Variants in UNC5B observed in about 807,000 individuals in gnomAD.
The protein encoded by UNC5B is netrin receptor UNC5B.
UNC5B carries 56 observed loss-of-function variants against 103.7 expected under a neutral mutation model. The ratio of observed to expected loss-of-function variants is 0.54; its 90% CI spans 0.44 to 0.67. UNC5B has a LOEUF of 0.67. UNC5B is among the 30% of genes least tolerant of loss of function. The probability of loss-of-function intolerance (pLI) is 0.00; values close to 1 mark genes in which losing one functional copy is unlikely to be tolerated. For missense variants in UNC5B, 1,194 were observed against 1,284.5 expected, an observed-to-expected ratio of 0.93 and a Z score of 1.08; for synonymous variants, 577 against 542.0, an observed-to-expected ratio of 1.06 and a Z score of -0.90.
intron 8 of UNC5B, among the ~76,000 whole-genome samples, chr10:71,289,778 C>T (rs1845198240): frequency 6.6e-6 from 1 of 152,170 alleles, no homozygotes; most frequent in South Asian, 2.1e-4. Context: ...CCTGAGGGGT[C>T]CTCTGGGGAG....
At chr10:71,267,109 T>C (rs1844540769) in intron 1 of UNC5B, among the ~76,000 whole-genome samples, 1 of 152,196 alleles carries the variant, frequency 6.6e-6, no homozygotes, top group Non-Finnish European at 1.5e-5. Flanking sequence ...ACTCCTGTAA[T>C]AGAAATTAGC....
intron 2 of UNC5B, among the ~76,000 whole-genome samples, chr10:71,281,306 C>T (rs1441735484): frequency 6.6e-6 from 1 of 151,912 alleles, no homozygotes; most frequent in African/African-American, 2.4e-5. Context: ...GATTTGGAGT[C>T]CCATGCTCAC....
chr10:71,213,726 A>AGTGTGTGTGT lies in UNC5B; in HGVS notation c.79+663_79+664insTGTGTGTGTG, dbSNP rs1238732312. On this transcript the variant is annotated intron_variant, in intron 1 of 16. Transcript: ENST00000335350. This position sits in a 1 kb window ranked among gnomAD's most constrained non-coding sequence, Gnocchi z 4.1. ...TTATTATTAATTTTCTGAGTGTTGG[A>AGTGTGTGTGT]GAGTGTGTGTGTGTGTGTGTGTGTG... Among the ~76,000 whole-genome samples, 126 of 81,846 alleles carry AGTGTGTGTGT rather than the reference A, an allele frequency of 1.5e-3. No individual in the cohort carries two copies. Among genetic ancestry groups the AGTGTGTGTGT allele is most frequent in the Middle Eastern group, 6.8e-3 (1 of 146 alleles). 53.7% of individuals were successfully genotyped at this position (81,846 alleles called of 152,430 possible). A position where few individuals can be genotyped will look rare whatever the true frequency, so the allele number is the denominator to read the frequency against.
chr10:71,246,697 C>T (rs35060171), intron 1 of UNC5B, among the ~76,000 whole-genome samples: 30,650 of 152,090 alleles, frequency 0.2, 3,816 homozygotes, highest in Non-Finnish European at 0.29. Flanking sequence ...CAGCGCTCCA[C>T]ATCTGTCAAA....
chr10:71,287,366 C>T (rs1246679648), intron 5 of UNC5B, among the ~76,000 whole-genome samples: 1 of 152,218 alleles, frequency 6.6e-6, no homozygotes. Context: ...ACCTTCTTTG[C>T]CGTCTTACAA....
In UNC5B at chr10:71,291,419, C is replaced by T. The variant is rs1845251414; in HGVS notation, c.1295-13C>T. On this transcript the variant is annotated splice_polypyrimidine_tract_variant and intron_variant, in intron 9 of 16. Transcript: ENST00000335350. ...GGCACAGCTGGGTCTGACTATAGCC[C>T]CTACTCCTGCAGGCAACCCGCAGCT... is the stretch of plus-strand genomic sequence containing the variant. 7 of 1,586,658 alleles carry T rather than the reference C, an allele frequency of 4.4e-6. No homozygotes were observed. Among genetic ancestry groups the T allele is most frequent in the Non-Finnish European group, 6.0e-6 (7 of 1,165,994 alleles).
intron 14 of UNC5B, among the ~76,000 whole-genome samples, 176 bp downstream of exon 14, chr10:71,296,136 C>T (rs974157948): frequency 5.9e-5 from 9 of 152,224 alleles, no homozygotes; most frequent in African/African-American, 1.7e-4. Flanking sequence ...TCCCCAGGCA[C>T]GTCCCCAAAT....
At chr10:71,263,157 C>T (rs562294372) in intron 1 of UNC5B, among the ~76,000 whole-genome samples, 7 of 152,236 alleles carry the variant, frequency 4.6e-5, no homozygotes, top group East Asian at 3.9e-4. Flanking sequence ...GTCCCCACAC[C>T]GGGGTGGAGG....
intron 1 of UNC5B, among the ~76,000 whole-genome samples, chr10:71,222,323 G>A (rs200931459): frequency 9.2e-6 from 1 of 108,594 alleles, no homozygotes; most frequent in African/African-American, 3.0e-5. Context: ...TCTCTTAGTG[G>A]AAAGAGCCCC....
chr10:71,238,476 A>G (rs1174764187), intron 1 of UNC5B, among the ~76,000 whole-genome samples: 1 of 152,118 alleles, frequency 6.6e-6, no homozygotes, highest in Non-Finnish European at 1.5e-5. Context: ...CTCCATGCTT[A>G]CATTTGCATT....
At chr10:71,257,654 G>A (rs1844322019) in intron 1 of UNC5B, among the ~76,000 whole-genome samples, 1 of 152,254 alleles carries the variant, frequency 6.6e-6, no homozygotes, top group Admixed American at 6.5e-5. Flanking sequence ...GTACATGCCA[G>A]GTGCTCCTTG....
rs149159166 is a variant in UNC5B, at chr10:71,280,029, C to T, written c.288C>T (p.Gly96=). Residue 96 remains glycine, a synonymous_variant, in exon 2 of 17, where the codon GGC becomes GGT. Transcript: ENST00000335350. Reference sequence around the variant, plus strand: ...AGAACGACCACGTCACACAGGAAGGCCTGGATGAGGCCACCGGTGAGCCCG... The same window carrying T: ...AGAACGACCACGTCACACAGGAAGGTCTGGATGAGGCCACCGGTGAGCCCG... The part of the protein sequence containing the change: ...VSQNDHVTQE[G]LDEATGLRVR... 8 of 1,613,782 alleles carry T rather than the reference C, an allele frequency of 5.0e-6. No homozygotes were observed. The highest frequency in any genetic ancestry group is 3.3e-5 in the Admixed American group (2 of 60,008).
intron 1 of UNC5B, among the ~76,000 whole-genome samples, chr10:71,223,951 C>G (rs1310079598): frequency 6.6e-6 from 1 of 152,208 alleles, no homozygotes; most frequent in Non-Finnish European, 1.5e-5. Flanking sequence ...GAGAGCAGTT[C>G]TGGCCATGGG....
At chr10:71,297,231 A>C (rs573422996) in intron 15 of UNC5B, among the ~76,000 whole-genome samples, 1 of 152,332 alleles carries the variant, frequency 6.6e-6, no homozygotes, top group African/African-American at 2.4e-5. Flanking sequence ...AGTGCCATTC[A>C]CATGCTTGGC....
At chr10:71,282,665 G>A (rs10999759) in intron 2 of UNC5B, among the ~76,000 whole-genome samples, 104,420 of 151,968 alleles carry the variant, frequency 0.69, 37,237 homozygotes, top group Non-Finnish European at 0.78. Flanking sequence ...CACCCCTGAA[G>A]CAGCCTCTTC....
At chr10:71,263,593 G>A (rs1317427355) in intron 1 of UNC5B, among the ~76,000 whole-genome samples, 1 of 152,192 alleles carries the variant, frequency 6.6e-6, no homozygotes, top group African/African-American at 2.4e-5. Flanking sequence ...GGAAAACCAA[G>A]GCCATTTGTC....
At chr10:71,221,891 G>A (rs1843458967) in intron 1 of UNC5B, among the ~76,000 whole-genome samples, 1 of 152,222 alleles carries the variant, frequency 6.6e-6, no homozygotes, top group East Asian at 1.9e-4. Context: ...TGTAAAATGG[G>A]AGTAGTAACA....
At chr10:71,277,903 G>A (rs1442460402) in intron 1 of UNC5B, among the ~76,000 whole-genome samples, 1 of 152,224 alleles carries the variant, frequency 6.6e-6, no homozygotes, top group Non-Finnish European at 1.5e-5. Context: ...GTGGACTGTG[G>A]AGTTCTGGCC....
chr10:71,238,814 C>G (rs1843827755), intron 1 of UNC5B, among the ~76,000 whole-genome samples: 1 of 152,142 alleles, frequency 6.6e-6, no homozygotes, highest in Admixed American at 6.5e-5. Flanking sequence ...GGGTCTTGTT[C>G]TGTTATCCAG....
Sources: gnomAD v4.1 joint callset for allele counts (sites outside exome capture counted in the v4.1 genomes callset) on GRCh38, gnomAD v4.1.1 for gene constraint, Gnocchi (gnomAD v3.1) non-coding constraint, MANE v1.5 for transcripts, NCBI Gene and HGNC (gene_info 2026-07-23, HGNC 2026-07-21) for gene names.